Variants in CHSY3 observed in about 807,000 individuals in gnomAD.
The protein encoded by CHSY3 is chondroitin sulfate synthase 3.
In CHSY3, 35 loss-of-function variants were observed where a neutral mutation model predicts 67.2. The observed-to-expected ratio is 0.52, with a 90% CI of 0.40 to 0.69. The LOEUF is 0.69. Among genes scored for constraint, CHSY3 ranks in the 30% least tolerant of loss-of-function variants. The pLI is 0.00. For synonymous variants in CHSY3, 474 were observed against 434.7 expected (o/e 1.09, Z -1.12); for missense variants, 1,069 against 1,138.5 (o/e 0.94, Z 0.88).
At chr5:129,932,480 T>G (rs1761348506) in intron 2 of CHSY3, among the ~76,000 whole-genome samples, 1 of 152,136 alleles carries the variant, frequency 6.6e-6, no homozygotes. Context: ...TAGACTTGTG[T>G]TTGGCCCAAA....
intron 2 of CHSY3, among the ~76,000 whole-genome samples, chr5:130,088,409 A>C (rs1309079786): frequency 6.6e-6 from 1 of 151,030 alleles, no homozygotes; most frequent in East Asian, 1.9e-4. Flanking sequence ...TCTGCACAGC[A>C]AAAGAAATTA....
chr5:130,169,300 C>T (rs1769835413), intron 2 of CHSY3, among the ~76,000 whole-genome samples: 1 of 152,010 alleles, frequency 6.6e-6, no homozygotes, highest in South Asian at 2.1e-4. Flanking sequence ...TACCTAATTT[C>T]CATTTCTGAG....
intron 2 of CHSY3, among the ~76,000 whole-genome samples, chr5:130,162,602 A>G (rs1040743636): frequency 6.6e-6 from 1 of 152,012 alleles, no homozygotes. Flanking sequence ...TGGGATGATC[A>G]TGGCTCACTC....
intron 2 of CHSY3, among the ~76,000 whole-genome samples, chr5:130,149,204 C>A (rs940468200): frequency 6.6e-6 from 1 of 152,118 alleles, no homozygotes; most frequent in East Asian, 1.9e-4. Context: ...TATAGCAAGA[C>A]CCCACTCCTT....
chr5:130,090,277 TA>T (rs1766832854), intron 2 of CHSY3, among the ~76,000 whole-genome samples: 1 of 152,176 alleles, frequency 6.6e-6, no homozygotes. Context: ...CTGAAAGAGC[TA>T]GATATCTAAT....
At chr5:130,130,932 T>A (rs1320667711) in intron 2 of CHSY3, among the ~76,000 whole-genome samples, 1 of 152,166 alleles carries the variant, frequency 6.6e-6, no homozygotes, top group Non-Finnish European at 1.5e-5. Flanking sequence ...CTGGGTATGA[T>A]TCTCCATAAC....
At chr5:129,938,771 A>T (rs1247266396) in intron 2 of CHSY3, among the ~76,000 whole-genome samples, 1 of 152,146 alleles carries the variant, frequency 6.6e-6, no homozygotes, top group East Asian at 1.9e-4. Context: ...CGTTGTCCAT[A>T]TCACTATCAG....
chr5:130,055,912 G>A (rs1309050392), intron 2 of CHSY3, among the ~76,000 whole-genome samples: 4 of 152,058 alleles, frequency 2.6e-5, no homozygotes, highest in Non-Finnish European at 5.9e-5. Context: ...AAGGGACAAC[G>A]TATGATAAAA....
chr5:130,115,183 AT>A lies in CHSY3; in HGVS notation c.1087-69038del, dbSNP rs1043455889. 3.8e-4 allele frequency among the ~76,000 whole-genome samples: 58 copies of A among 151,746 alleles called. 1 individual carries two copies. The highest frequency in any genetic ancestry group is 7.2e-4 in the Admixed American group (11 of 15,232). ...ATTACAGTATGAATGATTGCAGAGT[AT>A]TTTTTTTCATCCCCCTAACACTTCA... On this transcript the variant is annotated intron_variant, in intron 2 of 2. Coordinates refer to ENST00000305031, the MANE Select transcript of CHSY3 (RefSeq NM_175856.5).
chr5:129,925,302 C>CATGAGAGTA (rs1268734150), intron 2 of CHSY3, among the ~76,000 whole-genome samples: 1 of 152,074 alleles, frequency 6.6e-6, no homozygotes, highest in African/African-American at 2.4e-5. Flanking sequence ...GGAGAAATGA[C>CATGAGAGTA]ATGAGAGTAA....
chr5:130,031,620 G>A, intron 2 of CHSY3, among the ~76,000 whole-genome samples: 1 of 152,072 alleles, frequency 6.6e-6, no homozygotes, highest in Admixed American at 6.6e-5. Flanking sequence ...TATGTGCAGG[G>A]GATATATATC....
chr5:130,001,871 G>T (rs970982883), intron 2 of CHSY3: 37 of 929,988 alleles, frequency 4.0e-5, no homozygotes, highest in Non-Finnish European at 4.5e-5. Flanking sequence ...ATAATCCTGT[G>T]TGTAACCAAA....
intron 2 of CHSY3, among the ~76,000 whole-genome samples, chr5:130,133,526 C>A (rs1369446529): frequency 6.6e-6 from 1 of 151,868 alleles, no homozygotes; most frequent in African/African-American, 2.4e-5. Flanking sequence ...AATCCCAGCA[C>A]TTTGGGAGGC....
chr5:130,128,419 G>A (rs1768367967), intron 2 of CHSY3, among the ~76,000 whole-genome samples: 1 of 151,812 alleles, frequency 6.6e-6, no homozygotes, highest in African/African-American at 2.4e-5. Context: ...AAATAAGCCA[G>A]ACACAAAAAA....
chr5:130,076,357 C>T lies in CHSY3; in HGVS notation c.1087-107872C>T, dbSNP rs561065120. Among the ~76,000 whole-genome samples, 4 of 150,220 alleles carry T rather than the reference C, an allele frequency of 2.7e-5. No individual in the cohort carries two copies. The South Asian group carries it at 8.4e-4, about 32-fold the overall frequency. On this transcript the variant is annotated intron_variant, in intron 2 of 2. Coordinates refer to ENST00000305031, the MANE Select transcript of CHSY3 (RefSeq NM_175856.5). ...AATCCACAGCCCTCAGTTTCTACCA[C>T]TTTTGCGGTCTTATCACATTCTATG...
intron 1 of CHSY3, among the ~76,000 whole-genome samples, chr5:129,906,966 T>C (rs1760328828): frequency 6.6e-6 from 1 of 152,114 alleles, no homozygotes; most frequent in Non-Finnish European, 1.5e-5. Context: ...CTAGAGCAGG[T>C]TGGAATAGAA....
At chr5:130,055,207 G>A (rs749116951) in intron 2 of CHSY3, among the ~76,000 whole-genome samples, 6 of 151,252 alleles carry the variant, frequency 4.0e-5, no homozygotes, top group Non-Finnish European at 7.4e-5. Context: ...TGCCTGATGT[G>A]ATTCAACAAA....
At chr5:130,042,023 G>A (rs1315129544) in intron 2 of CHSY3, among the ~76,000 whole-genome samples, 1 of 152,056 alleles carries the variant, frequency 6.6e-6, no homozygotes, top group Non-Finnish European at 1.5e-5. Context: ...TCACTTGAGT[G>A]CAGGGGTTCA....
chr5:129,916,563 C>A (rs1227586695), intron 2 of CHSY3, among the ~76,000 whole-genome samples: 1 of 151,718 alleles, frequency 6.6e-6, no homozygotes, highest in Non-Finnish European at 1.5e-5. Context: ...ATCTGATAAC[C>A]CATTGTACAG....
Sources: allele counts gnomAD v4.1 joint callset (sites outside exome capture counted in the v4.1 genomes callset), GRCh38; gene constraint gnomAD v4.1.1; transcripts MANE v1.5; gene names NCBI Gene and HGNC (gene_info 2026-07-23, HGNC 2026-07-21).